Variants in TRAPPC9 observed in about 807,000 individuals in gnomAD.
The protein encoded by TRAPPC9 is IKK2 binding protein.
A neutral mutation model predicts 124.0 loss-of-function variants in TRAPPC9; 83 were observed. The ratio of observed to expected loss-of-function variants is 0.67; its 90% confidence interval spans 0.56 to 0.80. The LOEUF is 0.80. Ranked by LOEUF, TRAPPC9 falls within the 30% of genes least tolerant of loss-of-function variation. The probability of loss-of-function intolerance (pLI) is 0.00; values close to 1 mark genes in which losing one functional copy is unlikely to be tolerated. For missense variants in TRAPPC9, 1,302 were observed against 1,508.3 expected, an observed-to-expected ratio of 0.86 and a Z score of 2.27; for synonymous variants, 638 against 617.5, an observed-to-expected ratio of 1.03 and a Z score of -0.49.
chr8:140,137,494 G>A (rs1360172752), intron 17 of TRAPPC9, among the ~76,000 whole-genome samples: 2 of 152,328 alleles, frequency 1.3e-5, no homozygotes, highest in East Asian at 3.9e-4. Context: ...ATGGTGGCGA[G>A]CACGTCCTGG....
At chr8:140,317,240 T>G (rs1439706158) in intron 9 of TRAPPC9, among the ~76,000 whole-genome samples, 1 of 152,236 alleles carries the variant, frequency 6.6e-6, no homozygotes, top group Non-Finnish European at 1.5e-5. Context: ...ATTTCCTTCT[T>G]TCTACTAACC....
Position 140,402,898 on chromosome 8 carries a change from T to TGC in TRAPPC9, c.1008+2678_1008+2679insGC, listed in dbSNP as rs1197136234. Among the ~76,000 whole-genome samples, 541 of 152,186 alleles carry TGC rather than the reference T, an allele frequency of 3.6e-3. 5 individuals are homozygous for TGC. Among genetic ancestry groups the TGC allele is most frequent in the African/African-American group, 0.012 (515 of 41,514 alleles). On this transcript the variant is annotated intron_variant, in intron 6 of 22. Coordinates refer to ENST00000438773, the MANE Select transcript of TRAPPC9 (RefSeq NM_001160372.4). ...ACATTGTGGTGCGACAATGAGGTAA[T>TGC]GACCTGGAAAAAATAAATTGTATTC...
chr8:139,831,413 TAC>T (rs1825985895), intron 21 of TRAPPC9, among the ~76,000 whole-genome samples: 1 of 152,080 alleles, frequency 6.6e-6, no homozygotes, highest in Non-Finnish European at 1.5e-5. Flanking sequence ...CCACAATTTA[TAC>T]ACACACTCTT....
chr8:139,763,954 G>C (rs983923567), intron 21 of TRAPPC9, among the ~76,000 whole-genome samples: 2 of 152,228 alleles, frequency 1.3e-5, no homozygotes, highest in African/African-American at 2.4e-5. Context: ...TAGCAGTATC[G>C]AGCATTTGAT....
intron 21 of TRAPPC9, among the ~76,000 whole-genome samples, chr8:139,813,415 A>G (rs1216259207): frequency 6.6e-6 from 1 of 152,118 alleles, no homozygotes; most frequent in Non-Finnish European, 1.5e-5. Flanking sequence ...TTCTCCCATC[A>G]TGCTCCGGAG....
intron 19 of TRAPPC9, among the ~76,000 whole-genome samples, chr8:139,967,828 GT>G (rs1167208123): frequency 6.6e-6 from 1 of 152,160 alleles, no homozygotes; most frequent in Non-Finnish European, 1.5e-5. Flanking sequence ...AGCACGCTTT[GT>G]TTTTGTTTTT....
At chr8:139,775,472 G>T (rs149042241) in intron 21 of TRAPPC9, among the ~76,000 whole-genome samples, 5 of 152,256 alleles carry the variant, frequency 3.3e-5, no homozygotes, top group Non-Finnish European at 2.9e-5. Context: ...GGCCCAGAGC[G>T]TGTTGTTCTC....
intron 17 of TRAPPC9, among the ~76,000 whole-genome samples, chr8:140,038,905 G>A (rs540135851): frequency 6.6e-6 from 1 of 152,318 alleles, no homozygotes; most frequent in East Asian, 1.9e-4. Context: ...TGTGTCCCCA[G>A]AGACAGAACA....
At chr8:139,958,676 C>A (rs1310278479) in intron 19 of TRAPPC9, among the ~76,000 whole-genome samples, 2 of 152,150 alleles carry the variant, frequency 1.3e-5, no homozygotes, top group Non-Finnish European at 2.9e-5. Context: ...ACTCTGTAGC[C>A]CCAGGAACAC....
chr8:140,448,529 A>C (rs997189994), intron 2 of TRAPPC9, among the ~76,000 whole-genome samples: 1 of 152,248 alleles, frequency 6.6e-6, no homozygotes, highest in Non-Finnish European at 1.5e-5. Flanking sequence ...CAAGAAGTGG[A>C]TGACTGAAAA....
chr8:140,126,276 G>A (rs151039817), intron 17 of TRAPPC9, among the ~76,000 whole-genome samples: 261 of 152,202 alleles, frequency 1.7e-3, no homozygotes, highest in African/African-American at 5.8e-3. Context: ...CAGGCTGGAA[G>A]AGGAGACACG....
At chr8:140,402,362 C>T (rs1489909323) in intron 6 of TRAPPC9, among the ~76,000 whole-genome samples, 1 of 151,146 alleles carries the variant, frequency 6.6e-6, no homozygotes, top group African/African-American at 2.4e-5. Flanking sequence ...CATGCTACTG[C>T]ACTCCAGACT....
rs112646346 is a variant in TRAPPC9, at chr8:140,265,135, G to A, written c.2278+10523C>T. 1.5e-3 allele frequency among the ~76,000 whole-genome samples: 234 copies of A among 152,130 alleles called. 1 individual carries two copies. The highest frequency in any genetic ancestry group is 5.4e-3 in the African/African-American group (223 of 41,506). ...CACACAGAAACCAGGAGGGCAACAG[G>A]CCGGCCTATTCCACATACACAGAAG... On this transcript the variant is annotated intron_variant, in intron 15 of 22. Coordinates refer to ENST00000438773, the MANE Select transcript of TRAPPC9 (RefSeq NM_001160372.4).
chr8:140,422,703 G>A (rs1225190990), intron 5 of TRAPPC9, among the ~76,000 whole-genome samples: 4 of 141,594 alleles, frequency 2.8e-5, no homozygotes, highest in Admixed American at 7.3e-5. Context: ...GCAGTGAGCC[G>A]AGATCACACC....
rs7014485 is a variant in TRAPPC9, at chr8:139,980,864, C to T, written c.2810+7862G>A. On this transcript the variant is annotated intron_variant, in intron 19 of 22. Transcript: ENST00000438773. ...TCCACGCGCTAGGAAAGGCTCCAGACATTTCCCCACCGCAGAAGCCACCCA... is the reference window on the plus strand; with the variant it reads ...TCCACGCGCTAGGAAAGGCTCCAGATATTTCCCCACCGCAGAAGCCACCCA... 8.7e-3 allele frequency among the ~76,000 whole-genome samples: 1,330 copies of T among 152,306 alleles called. 19 individuals carry two copies. The highest frequency in any genetic ancestry group is 0.031 in the African/African-American group (1,283 of 41,560).
At chr8:139,925,654 A>T (rs7824464) in intron 19 of TRAPPC9, among the ~76,000 whole-genome samples, 3 of 151,780 alleles carry the variant, frequency 2.0e-5, no homozygotes, top group Admixed American at 2.0e-4. Flanking sequence ...AGGCTGAGGC[A>T]GGAGGATTGC....
At chr8:139,739,662 T>C (rs770266018) in intron 21 of TRAPPC9, among the ~76,000 whole-genome samples, 2 of 152,224 alleles carry the variant, frequency 1.3e-5, no homozygotes, top group Non-Finnish European at 2.9e-5. Context: ...GACCACACAG[T>C]AGAGGGCTTC....
At chr8:140,077,498 C>A (rs921974833) in intron 17 of TRAPPC9, among the ~76,000 whole-genome samples, 1 of 152,080 alleles carries the variant, frequency 6.6e-6, no homozygotes, top group African/African-American at 2.4e-5. Flanking sequence ...TAAGAGCTGA[C>A]CCCAGAGATC....
At position 140,117,651 on chromosome 8, in the gene TRAPPC9, G is replaced by A. The variant is rs138418324; in HGVS notation, c.2557-93572C>T. On this transcript the variant is annotated intron_variant, in intron 17 of 22. Transcript: ENST00000438773. The stretch of plus-strand genomic sequence containing the variant: ...ATTATACTGGCAATTAAATCTCAAC[G>A]TGAGTTTTGGAGAGAACAAACATTC... Among the ~76,000 whole-genome samples the A allele has an allele frequency of 1.1e-3, 172 of 152,244 alleles. 1 individual carries two copies. The East Asian group carries it at 0.026, about 23-fold the overall frequency.
Sources: allele counts gnomAD v4.1 joint callset (sites outside exome capture counted in the v4.1 genomes callset), GRCh38; gene constraint gnomAD v4.1.1; transcripts MANE v1.5; gene names NCBI Gene and HGNC (gene_info 2026-07-23, HGNC 2026-07-21).